Variants in FOXP1 observed in about 807,000 individuals in gnomAD.
The protein encoded by FOXP1 is forkhead box P1.
A neutral mutation model predicts 98.2 loss-of-function variants in FOXP1; 15 were observed. The observed-to-expected ratio is 0.15, with a 90% CI of 0.10 to 0.24. The LOEUF is 0.24. Among genes scored for constraint, FOXP1 ranks in the 10% least tolerant of loss-of-function variants. The pLI is 1.00. For missense variants in FOXP1, 633 were observed against 848.5 expected (o/e 0.75, Z 3.15); for synonymous variants, 371 against 314.5 (o/e 1.18, Z -1.90).
At chr3:71,068,696 G>A (rs1164682916) in intron 7 of FOXP1, among the ~76,000 whole-genome samples, 1 of 152,176 alleles carries the variant, frequency 6.6e-6, no homozygotes, top group Non-Finnish European at 1.5e-5. Flanking sequence ...GGAGTATCCA[G>A]GACATATTCT....
At chr3:71,400,730 G>C (rs1214939454) in intron 3 of FOXP1, among the ~76,000 whole-genome samples, 1 of 152,056 alleles carries the variant, frequency 6.6e-6, no homozygotes, top group Admixed American at 6.6e-5. Context: ...AAGATGCTTG[G>C]GAAGTAAAAG....
chr3:71,039,425 C>T (rs1174415130), intron 11 of FOXP1, among the ~76,000 whole-genome samples: 1 of 152,138 alleles, frequency 6.6e-6, no homozygotes, highest in African/African-American at 2.4e-5. Context: ...ATTCTTCTCC[C>T]ACTTGCCTCC....
At chr3:71,525,389 G>A (rs543043376) in intron 2 of FOXP1, among the ~76,000 whole-genome samples, 6 of 152,194 alleles carry the variant, frequency 3.9e-5, no homozygotes, top group East Asian at 1.9e-4. Context: ...AATTTCAGAC[G>A]AAAAAAAGGC....
intron 7 of FOXP1, among the ~76,000 whole-genome samples, chr3:71,110,090 A>G (rs1403310415): frequency 6.6e-6 from 1 of 152,148 alleles, no homozygotes; most frequent in Non-Finnish European, 1.5e-5. Context: ...AGAAAAACGG[A>G]GCCCTCTATA....
At chr3:71,014,813 A>G (rs948304295) in intron 12 of FOXP1, among the ~76,000 whole-genome samples, 8 of 152,218 alleles carry the variant, frequency 5.3e-5, no homozygotes, top group Non-Finnish European at 1.2e-4. Context: ...ATGCAGCCAT[A>G]AAAAAGGATG....
intron 5 of FOXP1, among the ~76,000 whole-genome samples, chr3:71,260,445 G>A (rs1299633250): frequency 6.6e-6 from 1 of 151,984 alleles, no homozygotes; most frequent in East Asian, 1.9e-4. Flanking sequence ...TACACTTTAC[G>A]ATGAAGTCTG....
intron 5 of FOXP1, among the ~76,000 whole-genome samples, chr3:71,283,151 G>A (rs921287529): frequency 1.3e-5 from 2 of 152,178 alleles, no homozygotes. Flanking sequence ...GAGAGGAAGT[G>A]CACTTTCCTT....
intron 18 of FOXP1, chr3:70,972,196 C>T: frequency 1.3e-6 from 2 of 1,511,568 alleles, no homozygotes; most frequent in Non-Finnish European, 1.8e-6. Flanking sequence ...ATAGGAGCAG[C>T]AGCAAAGGAG....
chr3:71,463,060 G>A (rs1020310251), intron 3 of FOXP1, among the ~76,000 whole-genome samples: 1 of 152,252 alleles, frequency 6.6e-6, no homozygotes, highest in East Asian at 1.9e-4. Flanking sequence ...GTCATTCTCA[G>A]ACCTCCGAAC....
intron 7 of FOXP1, among the ~76,000 whole-genome samples, chr3:71,062,134 C>T (rs1274218054): frequency 6.6e-6 from 1 of 152,084 alleles, no homozygotes; most frequent in Non-Finnish European, 1.5e-5. Flanking sequence ...TTTTAAGGTA[C>T]ATTAAACTAC....
intron 7 of FOXP1, among the ~76,000 whole-genome samples, chr3:71,070,474 G>A (rs2053081792): frequency 1.3e-5 from 2 of 152,142 alleles, no homozygotes; most frequent in African/African-American, 4.8e-5. Flanking sequence ...TGGCTGACTC[G>A]CAGTTCGAGT....
intron 2 of FOXP1, among the ~76,000 whole-genome samples, chr3:71,555,414 A>G (rs564103408): frequency 6.6e-6 from 1 of 152,320 alleles, no homozygotes; most frequent in Non-Finnish European, 1.5e-5. Context: ...CATCTCACAC[A>G]CTACAAGAGA....
In FOXP1 at chr3:70,996,452, T is replaced by C. The variant is rs531405710; in HGVS notation, c.1062+4520A>G. 3.3e-5 allele frequency among the ~76,000 whole-genome samples: 5 copies of C among 152,346 alleles called. 1 individual carries two copies. The highest frequency in any genetic ancestry group is 9.6e-5 in the African/African-American group (4 of 41,586). On this transcript the variant is annotated intron_variant, in intron 13 of 20. Transcript: ENST00000649528. ...TTTTCAGTTTAATTCAAGTTTGGTA[T>C]TGTACAGATAGCTCTGTGAAGGGGA...
intron 5 of FOXP1, among the ~76,000 whole-genome samples, chr3:71,228,489 A>C (rs1024833943): frequency 1.3e-5 from 2 of 152,224 alleles, no homozygotes; most frequent in African/African-American, 4.8e-5. Context: ...GGTTTTTAAC[A>C]ACTCTTTTTT....
At chr3:71,337,524 T>G (rs749264724) in intron 4 of FOXP1, among the ~76,000 whole-genome samples, 4 of 152,210 alleles carry the variant, frequency 2.6e-5, no homozygotes, top group Non-Finnish European at 4.4e-5. Context: ...ATATTGAAAG[T>G]GCAGGCCCCC....
At chr3:71,378,424 A>G (rs1450732736) in intron 3 of FOXP1, among the ~76,000 whole-genome samples, 2 of 152,122 alleles carry the variant, frequency 1.3e-5, no homozygotes, top group African/African-American at 4.8e-5. Flanking sequence ...AAATTCCATA[A>G]ATTTTCAATT....
intron 5 of FOXP1, among the ~76,000 whole-genome samples, chr3:71,266,801 T>G (rs2069713481): frequency 6.6e-6 from 1 of 152,192 alleles, no homozygotes; most frequent in South Asian, 2.1e-4. Flanking sequence ...TAGCTCCCAC[T>G]TGTAAGTGAG....
chr3:71,261,105 T>C (rs1489440999), intron 5 of FOXP1, among the ~76,000 whole-genome samples: 4 of 152,116 alleles, frequency 2.6e-5, no homozygotes, highest in Non-Finnish European at 5.9e-5. Flanking sequence ...CCCGATAATA[T>C]AGTTCAAGAT....
At chr3:71,124,019 G>C (rs1305879987) in intron 6 of FOXP1, among the ~76,000 whole-genome samples, 1 of 151,884 alleles carries the variant, frequency 6.6e-6, no homozygotes, top group African/African-American at 2.4e-5. Flanking sequence ...ATTAACTATT[G>C]GGTACTATGC....
Sources: allele counts gnomAD v4.1 joint callset (sites outside exome capture counted in the v4.1 genomes callset), GRCh38; gene constraint gnomAD v4.1.1; transcripts MANE v1.5; gene names NCBI Gene and HGNC (gene_info 2026-07-23, HGNC 2026-07-21).